Variants in SORBS3 observed in about 807,000 individuals in gnomAD.
The protein encoded by SORBS3 is vinexin.
In SORBS3, 69 loss-of-function variants were observed where a neutral mutation model predicts 98.0. The ratio of observed to expected loss-of-function variants is 0.70; its 90% CI spans 0.58 to 0.86. SORBS3 has a LOEUF of 0.86. SORBS3 is among the 40% of genes least tolerant of loss of function. The pLI is 0.00. For missense variants in SORBS3, 954 were observed against 908.5 expected (o/e 1.05, Z -0.64); for synonymous variants, 394 against 355.4 (o/e 1.11, Z -1.22).
intron 4 of SORBS3, among the ~76,000 whole-genome samples, chr8:22,557,871 A>C (rs1840216377): frequency 6.6e-6 from 1 of 152,210 alleles, no homozygotes; most frequent in Non-Finnish European, 1.5e-5. Flanking sequence ...CAAAGAGAAA[A>C]AATGTAAATT....
At chr8:22,561,717 C>G (rs924565402) in intron 6 of SORBS3, 148 bp from the exon 7 acceptor site, 1 of 709,504 alleles carries the variant, frequency 1.4e-6, no homozygotes, top group South Asian at 1.7e-5. Context: ...GTTCAGTGTC[C>G]CTGAGCACCA....
chr8:22,565,802 T>A, intron 11 of SORBS3, 24 bp from the exon 12 acceptor site: 1 of 1,315,944 alleles, frequency 7.6e-7, no homozygotes, highest in African/African-American at 1.5e-5. Flanking sequence ...TCGCGGGCCC[T>A]GATTGCGCCG....
At position 22,571,242 on chromosome 8, in the gene SORBS3, CAG is replaced by C. The variant is rs770605148; in HGVS notation, c.1743+26_1743+27del. On this transcript the variant is annotated intron_variant, in intron 18 of 20. Coordinates refer to ENST00000240123, the MANE Select transcript of SORBS3 (RefSeq NM_005775.5). ...CCCAGGTGAGGTAGCCTGCCTCCAC[CAG>C]AGAGTCGACCTCCTCCTCACCCCTC... 5 of 1,483,734 alleles carry C rather than the reference CAG, an allele frequency of 3.4e-6. No individual in the cohort carries two copies. The South Asian group carries it at 3.9e-5, about 11-fold the overall frequency. The allele number at this position is 1,483,734 out of a possible 1,614,324, so 91.9% of individuals were successfully genotyped here.
upstream of SORBS3, among the ~76,000 whole-genome samples, chr8:22,551,459 T>C (rs1380195601): frequency 1.3e-5 from 2 of 152,098 alleles, no homozygotes; most frequent in South Asian, 2.1e-4. The surrounding 1 kb of genome is among the most constrained non-coding windows in gnomAD (Gnocchi z 5.8). Flanking sequence ...TCATCGCTCC[T>C]GCCCCTGTCC....
rs745627647 is a variant in SORBS3, at chr8:22,574,649, C to T, written c.1955-18C>T. 2 of 1,612,180 alleles carry T rather than the reference C, an allele frequency of 1.2e-6. No homozygotes were observed. The highest frequency in any genetic ancestry group is 1.7e-6 in the Non-Finnish European group (2 of 1,178,910). ...AAGAAGGGAGTGGGGAAAGCTCTTC[C>T]TGCCTTTCCTCTTTCAGGTGTCTCC... is the stretch of plus-strand genomic sequence containing the variant. On this transcript the variant is annotated intron_variant, in intron 20 of 20. Coordinates refer to ENST00000240123, the MANE Select transcript of SORBS3 (RefSeq NM_005775.5).
chr8:22,561,369 C>T lies in SORBS3; in HGVS notation c.513C>T (p.Pro171=). ...LQLDWTFEEP[P]RDPRHLGAQQ... The stretch of plus-strand genomic sequence containing the variant: ...TGGACTGGACCTTCGAGGAGCCACC[C>T]AGAGGTGAGGGGATGCGGGCCCACC... Residue 171 remains proline, a synonymous_variant, in exon 6 of 21, where the codon CCC becomes CCT. Coordinates refer to ENST00000240123, the MANE Select transcript of SORBS3 (RefSeq NM_005775.5). The T allele has an allele frequency of 6.2e-7, 1 of 1,612,178 alleles. No homozygotes were observed. The highest frequency in any genetic ancestry group is 1.3e-5 in the African/African-American group (1 of 75,026).
intron 20 of SORBS3, 135 bp downstream of exon 20, chr8:22,572,581 G>C (rs1000682380): frequency 4.2e-6 from 3 of 716,248 alleles, no homozygotes; most frequent in Non-Finnish European, 2.4e-6. Context: ...GGGCTACTGG[G>C]GGGGCCTGGC....
At chr8:22,566,323 T>A (rs753014481) in intron 12 of SORBS3, 22 bp from the exon 13 acceptor site, 9 of 1,609,484 alleles carry the variant, frequency 5.6e-6, no homozygotes, top group Non-Finnish European at 7.6e-6. Context: ...GGCTGGAGGC[T>A]CAGTCTCTGT....
chr8:22,548,031 T>C (rs1840034439), upstream of SORBS3, among the ~76,000 whole-genome samples: 2 of 152,204 alleles, frequency 1.3e-5, no homozygotes, highest in African/African-American at 4.8e-5. Flanking sequence ...TAATTCGCTA[T>C]TCCTATGGGG....
In SORBS3 at chr8:22,563,516, C is replaced by T. The variant is rs1290351383; in HGVS notation, c.585-471C>T. On this transcript the variant is annotated intron_variant, in intron 7 of 20. Transcript: ENST00000240123. ...CTGGCTTTCCTTGCCCATGGGTGTA[C>T]GATCACTCAGCCACAGCACCCAGAA... Among the ~76,000 whole-genome samples the T allele has an allele frequency of 2.6e-5, 4 of 152,132 alleles. No homozygotes were observed. The East Asian group carries it at 7.7e-4, about 29-fold the overall frequency.
intron 16 of SORBS3, among the ~76,000 whole-genome samples, chr8:22,568,486 T>C (rs1840482190): frequency 6.6e-6 from 1 of 152,180 alleles, no homozygotes; most frequent in Non-Finnish European, 1.5e-5. Flanking sequence ...ACCCATGGGT[T>C]GGGTTGTTGT....
chr8:22,550,588 T>C (rs1032269032), upstream of SORBS3, among the ~76,000 whole-genome samples: 18 of 152,234 alleles, frequency 1.2e-4, no homozygotes, highest in African/African-American at 4.3e-4. Flanking sequence ...AGAGCTTCTT[T>C]ACCAGAACGA....
At chr8:22,548,206 C>G (rs112961484), upstream of SORBS3, among the ~76,000 whole-genome samples, 1,801 of 152,240 alleles carry the variant, frequency 0.012, 39 homozygotes, top group African/African-American at 0.041. Flanking sequence ...CCTTTGAAGC[C>G]CCAAAATGGG....
rs747630963 is a variant in SORBS3 at position 22,570,898 on chromosome 8, T to G, written c.1432-12T>G. 9 of 1,576,546 alleles carry G rather than the reference T, an allele frequency of 5.7e-6. No individual in the cohort carries two copies. The Middle Eastern group carries it at 5.1e-4, about 89-fold the overall frequency. On this transcript the variant is annotated splice_polypyrimidine_tract_variant and intron_variant, in intron 17 of 20. Coordinates refer to ENST00000240123, the MANE Select transcript of SORBS3 (RefSeq NM_005775.5). Reference sequence around the variant, plus strand: ...AGGAAGGCCCCACAGACACTGACTTTTCCCCCCTCAGGGAGAGCACATCTG... The same window carrying G: ...AGGAAGGCCCCACAGACACTGACTTGTCCCCCCTCAGGGAGAGCACATCTG...
intron 7 of SORBS3, among the ~76,000 whole-genome samples, chr8:22,563,281 C>T (rs1586897653): frequency 6.6e-6 from 1 of 152,326 alleles, no homozygotes; most frequent in East Asian, 1.9e-4. Context: ...GCAGTGGTTC[C>T]TCTCAGTGGA....
At chr8:22,565,685 C>A (rs1056812707) in intron 11 of SORBS3, 141 bp from the exon 12 acceptor site, 2 of 1,211,886 alleles carry the variant, frequency 1.7e-6, no homozygotes, top group African/African-American at 3.2e-5. Context: ...CTCCCGGGAT[C>A]GGCCGCGCGG....
In SORBS3 at chr8:22,574,925, T is replaced by G. The variant is rs762693399; in HGVS notation, c.*197T>G. 8.7e-5 allele frequency: 60 copies of G among 691,078 alleles called. No individual in the cohort carries two copies. In the South Asian group the frequency reaches 8.9e-4, roughly 10 times the overall value. 42.8% of individuals were successfully genotyped at this position (691,078 alleles called of 1,614,324 possible). On this transcript the variant is annotated 3_prime_UTR_variant, in exon 21 of 21. Transcript: ENST00000240123. Reference sequence around the variant, plus strand: ...ATTCCCACCCACGACTCACAGGCATTCCTCCCACAGCCCTTTCATTTCCTC... The same window carrying G: ...ATTCCCACCCACGACTCACAGGCATGCCTCCCACAGCCCTTTCATTTCCTC...
intron 11 of SORBS3, chr8:22,565,587 C>A (rs1433735843): frequency 5.8e-6 from 4 of 694,586 alleles, no homozygotes; most frequent in Non-Finnish European, 7.9e-6. Flanking sequence ...GCGGACTCCA[C>A]GTCAGCCCGA....
upstream of SORBS3, chr8:22,549,972 C>G (rs1481793907): frequency 2.0e-6 from 2 of 985,168 alleles, no homozygotes; most frequent in Admixed American, 6.2e-5. Flanking sequence ...TTCCTGGAGT[C>G]GGAAGAGCTT....
Sources: gnomAD v4.1 joint callset for allele counts (sites outside exome capture counted in the v4.1 genomes callset) on GRCh38, gnomAD v4.1.1 for gene constraint, Gnocchi (gnomAD v3.1) non-coding constraint, MANE v1.5 for transcripts, NCBI Gene and HGNC (gene_info 2026-07-23, HGNC 2026-07-21) for gene names.